The following NRXN1 variants were observed in gnomAD, a reference collection of about 807,000 sequenced individuals.
The protein encoded by NRXN1 is neurexin-1.
A neutral mutation model predicts 150.9 loss-of-function variants in NRXN1; 39 were observed. The ratio of observed to expected loss-of-function variants is 0.26; its 90% CI spans 0.20 to 0.34. The LOEUF (loss-of-function observed/expected upper bound fraction) is 0.34, where lower values mean the gene tolerates loss of function less well. NRXN1 is among the 10% of genes least tolerant of loss of function. The pLI is 1.00. For missense variants in NRXN1, 1,815 were observed against 1,949.9 expected (o/e 0.93, Z 1.30); for synonymous variants, 924 against 757.0 (o/e 1.22, Z -3.62).
chr2:50,976,439 C>T (rs952470056), intron 2 of NRXN1, among the ~76,000 whole-genome samples: 7 of 151,902 alleles, frequency 4.6e-5, no homozygotes, highest in African/African-American at 1.7e-4. Flanking sequence ...TTTTTCTTCA[C>T]TTATGTTTTG....
chr2:50,043,887 T>C (rs1421572), intron 21 of NRXN1, among the ~76,000 whole-genome samples: 96,476 of 151,824 alleles, frequency 0.64, 30,919 homozygotes, highest in Middle Eastern at 0.68. Flanking sequence ...AAATGGAGAA[T>C]CATTTCTCTT....
intron 12 of NRXN1, among the ~76,000 whole-genome samples, chr2:50,525,340 T>C (rs1313708176): frequency 1.3e-5 from 2 of 152,228 alleles, no homozygotes; most frequent in Non-Finnish European, 2.9e-5. Context: ...AGTTTTTTCC[T>C]TTTTATGTTA....
At chr2:50,799,604 C>T (rs1229835689) in intron 5 of NRXN1, among the ~76,000 whole-genome samples, 4 of 152,168 alleles carry the variant, frequency 2.6e-5, no homozygotes, top group East Asian at 1.9e-4. Flanking sequence ...CATTCTGTTT[C>T]TCACTTTCAG....
At chr2:50,712,197 T>A (rs879071084) in intron 5 of NRXN1, among the ~76,000 whole-genome samples, 1 of 152,056 alleles carries the variant, frequency 6.6e-6, no homozygotes, top group Admixed American at 6.6e-5. Context: ...ATTCAGAGAG[T>A]TTAATAAACT....
chr2:50,075,500 G>C (rs1696948928), intron 19 of NRXN1, among the ~76,000 whole-genome samples: 1 of 152,134 alleles, frequency 6.6e-6, no homozygotes, highest in East Asian at 1.9e-4. Flanking sequence ...CTTAGACTGA[G>C]TCTAGTTTCT....
chr2:50,285,350 G>A (rs1277449091), intron 17 of NRXN1, among the ~76,000 whole-genome samples: 2 of 152,118 alleles, frequency 1.3e-5, no homozygotes, highest in Non-Finnish European at 2.9e-5. Context: ...TATCCCAGCA[G>A]CTCAGGGTGC....
intron 5 of NRXN1, among the ~76,000 whole-genome samples, chr2:50,863,094 T>C (rs970775937): frequency 6.6e-6 from 1 of 151,996 alleles, no homozygotes; most frequent in Non-Finnish European, 1.5e-5. Context: ...GTACCTGATT[T>C]TTGGTGTCAC....
At chr2:50,690,513 T>C (rs200417164) in intron 5 of NRXN1, among the ~76,000 whole-genome samples, 27 of 152,308 alleles carry the variant, frequency 1.8e-4, no homozygotes, top group African/African-American at 4.3e-4. Context: ...TTGGTGGGAA[T>C]AGAAAAACAT....
At chr2:50,302,894 T>C (rs915376166) in intron 17 of NRXN1, among the ~76,000 whole-genome samples, 21 of 144,294 alleles carry the variant, frequency 1.5e-4, no homozygotes, top group African/African-American at 5.5e-4. Flanking sequence ...CATTCATTTA[T>C]TTGCCATAGT....
chr2:50,201,716 G>C (rs2062177884), intron 18 of NRXN1, among the ~76,000 whole-genome samples: 1 of 152,184 alleles, frequency 6.6e-6, no homozygotes, highest in South Asian at 2.1e-4. Context: ...CTGTTTTTAA[G>C]AGTTAGTAAT....
chr2:50,967,229 A>C (rs1020552887), intron 2 of NRXN1, among the ~76,000 whole-genome samples: 10 of 152,000 alleles, frequency 6.6e-5, no homozygotes, highest in African/African-American at 1.2e-4. Flanking sequence ...AAAAGACATA[A>C]AACACTTACA....
rs1213788787 is a variant in NRXN1, at chr2:49,920,938, GAAT to G, written c.*1003_*1005del. 1.3e-5 allele frequency: 2 copies of G among 151,670 alleles called. No individual in the cohort carries two copies. The highest frequency in any genetic ancestry group is 2.9e-5 in the Non-Finnish European group (2 of 67,930). 9.4% of individuals were successfully genotyped at this position (151,670 alleles called of 1,614,324 possible). On this transcript the variant is annotated 3_prime_UTR_variant, in exon 23 of 23. Coordinates refer to ENST00000401669, the MANE Select transcript of NRXN1 (RefSeq NM_001330078.2). ...TATACATTCATACATATCTTCCTTA[GAAT>G]AAACACTACACTGTAATTTCTTTAA...
chr2:50,330,070 A>G (rs2076737112), intron 17 of NRXN1, among the ~76,000 whole-genome samples: 1 of 152,098 alleles, frequency 6.6e-6, no homozygotes, highest in Non-Finnish European at 1.5e-5. Context: ...CGTATCTCTA[A>G]ATATTTATAT....
chr2:50,491,274 G>A (rs936382597), intron 15 of NRXN1, among the ~76,000 whole-genome samples: 1 of 152,304 alleles, frequency 6.6e-6, no homozygotes, highest in Middle Eastern at 3.4e-3. Flanking sequence ...GAGGGGATAT[G>A]TGTTATATTC....
intron 18 of NRXN1, among the ~76,000 whole-genome samples, chr2:50,199,537 TACACACACACACACAC>T (rs67959182): frequency 2.7e-5 from 4 of 149,328 alleles, no homozygotes; most frequent in Non-Finnish European, 5.9e-5. Flanking sequence ...CTCTTTCTTA[TACACACACACACACAC>T]ACACACACAC....
At chr2:50,584,779 T>A (rs1226593596) in intron 8 of NRXN1, among the ~76,000 whole-genome samples, 1 of 152,194 alleles carries the variant, frequency 6.6e-6, no homozygotes, top group Non-Finnish European at 1.5e-5. Context: ...GCAACCACAG[T>A]ATATCTACAT....
intron 18 of NRXN1, among the ~76,000 whole-genome samples, chr2:50,210,286 T>C (rs2062922800): frequency 6.6e-6 from 1 of 151,920 alleles, no homozygotes; most frequent in South Asian, 2.1e-4. Flanking sequence ...TTTGGTTTAT[T>C]CAAAAAACTC....
chr2:50,844,629 G>C, intron 5 of NRXN1, among the ~76,000 whole-genome samples: 1 of 152,166 alleles, frequency 6.6e-6, no homozygotes, highest in East Asian at 1.9e-4. Flanking sequence ...CTAGTAAAAA[G>C]TATACATCAT....
At chr2:49,933,194 C>G (rs1401827699) in intron 22 of NRXN1, among the ~76,000 whole-genome samples, 1 of 152,142 alleles carries the variant, frequency 6.6e-6, no homozygotes, top group Non-Finnish European at 1.5e-5. Context: ...TCACGCCATT[C>G]TCCTGCCTCA....
Sources: gnomAD v4.1 joint callset for allele counts (sites outside exome capture counted in the v4.1 genomes callset) on GRCh38, gnomAD v4.1.1 for gene constraint, MANE v1.5 for transcripts, NCBI Gene and HGNC (gene_info 2026-07-23, HGNC 2026-07-21) for gene names.